PCDHA2: variants seen among roughly 807,000 people sequenced by gnomAD.
The protein encoded by PCDHA2 is protocadherin alpha-2.
PCDHA2 carries 58 observed loss-of-function variants against 66.0 expected under a neutral mutation model. The observed-to-expected ratio is 0.88, with a 90% CI of 0.71 to 1.09. The LOEUF is 1.09. Among genes scored for constraint, PCDHA2 ranks in the 50% least tolerant of loss-of-function variants. The pLI, the probability that PCDHA2 is intolerant of heterozygous loss-of-function variation, is 0.00. For missense variants in PCDHA2, 1,267 were observed against 1,242.3 expected (o/e 1.02, Z -0.30); for synonymous variants, 634 against 554.0 (o/e 1.14, Z -2.03).
intron 1 of PCDHA2, among the ~76,000 whole-genome samples, chr5:140,965,664 ATAAATG>A (rs1251201552): frequency 1.3e-5 from 2 of 152,254 alleles, no homozygotes; most frequent in Non-Finnish European, 2.9e-5. Flanking sequence ...GTCTTGGGTG[ATAAATG>A]TAAAAGATTT....
At chr5:140,967,120 G>C in intron 1 of PCDHA2, 1 of 1,612,860 alleles carries the variant, frequency 6.2e-7, no homozygotes, top group East Asian at 2.2e-5. Flanking sequence ...CTCGCTGCCT[G>C]CTCAGCTTGG....
At chr5:140,884,312 G>A in intron 1 of PCDHA2, 1 of 1,613,768 alleles carries the variant, frequency 6.2e-7, no homozygotes, top group Non-Finnish European at 8.5e-7. Context: ...TTCGTCGAGG[G>A]CGTCGGCAGG....
At chr5:140,966,789 C>T (rs782194817) in intron 1 of PCDHA2, 3 of 1,528,688 alleles carry the variant, frequency 2.0e-6, no homozygotes, top group Non-Finnish European at 2.6e-6. Flanking sequence ...GGCACCAGAC[C>T]TGCGGCGACA....
intron 1 of PCDHA2, chr5:140,871,391 C>T: frequency 6.2e-7 from 1 of 1,614,170 alleles, no homozygotes; most frequent in Non-Finnish European, 8.5e-7. Flanking sequence ...GAGGAGGGCC[C>T]ACCTAAGACG....
In PCDHA2 at chr5:141,010,195, C is replaced by G. The variant is rs753472247; in HGVS notation, c.*258C>G. 6.4e-7 allele frequency: 1 copy of G among 1,552,256 alleles called. No homozygotes were observed. The highest frequency in any genetic ancestry group is 8.7e-7 in the Non-Finnish European group (1 of 1,147,132). Reference sequence around the variant, plus strand: ...TAAAAAGCAGACCCAAGTTTCCTTTCTCCTCCGCCGCAAAGGAGAGGCTTC... The same window carrying G: ...TAAAAAGCAGACCCAAGTTTCCTTTGTCCTCCGCCGCAAAGGAGAGGCTTC... On this transcript the variant is annotated 3_prime_UTR_variant, in exon 4 of 4. Coordinates refer to ENST00000526136, the MANE Select transcript of PCDHA2 (RefSeq NM_018905.3).
intron 1 of PCDHA2, chr5:140,966,327 C>A (rs1381846026): frequency 5.1e-6 from 2 of 392,388 alleles, no homozygotes; most frequent in East Asian, 3.6e-5. Flanking sequence ...CCGCTGGGAT[C>A]CGGCAGGTCC....
rs572664608 is a variant in PCDHA2 at position 140,918,936 on chromosome 5, T to C, written c.2389-60013T>C. 6.0e-4 allele frequency among the ~76,000 whole-genome samples: 92 copies of C among 152,342 alleles called. 2 individuals are homozygous for C. Among genetic ancestry groups the C allele is most frequent in the Admixed American group, 5.2e-3 (80 of 15,310 alleles). On this transcript the variant is annotated intron_variant, in intron 1 of 3. Transcript: ENST00000526136. ...AACTACACAGCATATGGCATTTTGT[T>C]ATAATATCCTGAACAGACTAAGACA...
chr5:140,797,182 G>T lies in PCDHA2; in HGVS notation c.2218G>T (p.Val740Leu). 2 of 1,614,168 alleles carry T rather than the reference G, an allele frequency of 1.2e-6. No individual in the cohort carries two copies. Among genetic ancestry groups the T allele is most frequent in the Non-Finnish European group, 1.7e-6 (2 of 1,180,052 alleles). ...GARAPGKPTLVCSSAVGSWSY... is the reference protein window; with the variant it reads ...GARAPGKPTLLCSSAVGSWSY... ...GCGCGCGCCAGGAAAGCCCACGCTG[G>T]TGTGCTCCAGCGCCGTGGGGAGCTG... Residue 740 changes from valine to leucine, a missense_variant, in exon 1 of 4, where the codon GTG becomes TTG. Val to Leu is a conservative substitution (Grantham distance 32). Coordinates refer to ENST00000526136, the MANE Select transcript of PCDHA2 (RefSeq NM_018905.3).
chr5:140,961,929 G>C (rs1387333199), intron 1 of PCDHA2, among the ~76,000 whole-genome samples: 1 of 151,712 alleles, frequency 6.6e-6, no homozygotes, highest in Non-Finnish European at 1.5e-5. Context: ...TGTTGCCCAG[G>C]CTGGAGTGCA....
At chr5:140,823,092 C>T (rs2150122177) in intron 1 of PCDHA2, 5 of 1,614,024 alleles carry the variant, frequency 3.1e-6, no homozygotes, top group East Asian at 2.2e-5. Context: ...CCACCGCCAG[C>T]GTGTCTGTGG....
At chr5:140,855,874 T>C (rs1554147980) in intron 1 of PCDHA2, 13 of 866,802 alleles carry the variant, frequency 1.5e-5, no homozygotes, top group East Asian at 2.6e-5. Flanking sequence ...GTCCACAAAA[T>C]AGCTTTTTAG....
At position 140,830,020 on chromosome 5, in the gene PCDHA2, G is replaced by C. The variant is rs2150179706; in HGVS notation, c.2388+32668G>C. On this transcript the variant is annotated intron_variant, in intron 1 of 3. Transcript: ENST00000526136. ...GTGTCCTGGACGAAGCGGACTCTCC[G>C]CGCCACCGGCTGCTGGTGCTGGTGA... 3 of 1,613,872 alleles carry C rather than the reference G, an allele frequency of 1.9e-6. No homozygotes were observed. The East Asian group carries it at 6.7e-5, about 36-fold the overall frequency.
intron 3 of PCDHA2, among the ~76,000 whole-genome samples, chr5:140,989,551 C>T (rs964653534): frequency 2.0e-5 from 3 of 152,178 alleles, no homozygotes; most frequent in African/African-American, 4.8e-5. Flanking sequence ...AATTCCTTTA[C>T]GTTTTGTGGC....
intron 1 of PCDHA2, chr5:140,801,906 G>C (rs1554121756): frequency 6.2e-7 from 1 of 1,614,068 alleles, no homozygotes; most frequent in African/African-American, 1.3e-5. Flanking sequence ...AGATGTAAAC[G>C]ACAACGCCCC....
At chr5:140,989,777 A>G (rs1406464822) in intron 3 of PCDHA2, among the ~76,000 whole-genome samples, 2 of 152,230 alleles carry the variant, frequency 1.3e-5, no homozygotes, top group African/African-American at 4.8e-5. Context: ...AGCACTGGCT[A>G]GAGACTAGAG....
intron 1 of PCDHA2, chr5:140,851,974 C>T: frequency 3.1e-6 from 3 of 976,536 alleles, no homozygotes; most frequent in Non-Finnish European, 3.7e-6. Flanking sequence ...CACACTCTAC[C>T]TTTAGTGCAA....
chr5:140,927,748 G>A lies in PCDHA2; in HGVS notation c.2389-51201G>A, dbSNP rs782605586. Reference sequence around the variant, plus strand: ...AGCAGAGCTGCGACACCGCTTTCACGTGCACCCTAAAAGTGGGGAGGTGCA... The same window carrying A: ...AGCAGAGCTGCGACACCGCTTTCACATGCACCCTAAAAGTGGGGAGGTGCA... On this transcript the variant is annotated intron_variant, in intron 1 of 3. Transcript: ENST00000526136. 53 of 1,614,088 alleles carry A rather than the reference G, an allele frequency of 3.3e-5. No homozygotes were observed. The South Asian group carries it at 5.7e-4, about 17-fold the overall frequency.
intron 1 of PCDHA2, chr5:140,803,233 C>T: frequency 1.9e-6 from 3 of 1,613,760 alleles, no homozygotes; most frequent in South Asian, 2.2e-5. Context: ...CCCAAGGCCT[C>T]GTCCCAGGCG....
intron 1 of PCDHA2, chr5:140,883,393 C>T (rs781845683): frequency 1.2e-6 from 2 of 1,614,160 alleles, no homozygotes; most frequent in South Asian, 2.2e-5. Flanking sequence ...TCAGTGTGTC[C>T]GATCGTGACT....
Sources: gnomAD v4.1 joint callset for allele counts (sites outside exome capture counted in the v4.1 genomes callset) on GRCh38, gnomAD v4.1.1 for gene constraint, MANE v1.5 for transcripts, NCBI Gene and HGNC (gene_info 2026-07-23, HGNC 2026-07-21) for gene names.